The following SGCD variants were observed in gnomAD, a reference collection of about 807,000 sequenced individuals.
SGCD encodes the protein sarcoglycan delta.
Under a neutral mutation model 36.6 loss-of-function variants are expected in SGCD, and 18 were observed. The observed-to-expected ratio is 0.49, with a 90% CI of 0.34 to 0.73. The LOEUF is 0.73. Ranked by LOEUF, SGCD falls within the 30% of genes least tolerant of loss-of-function variation. The pLI, the probability that SGCD is intolerant of heterozygous loss-of-function variation, is 0.01. For missense variants in SGCD, 387 were observed against 346.7 expected (o/e 1.12, Z -0.92); for synonymous variants, 133 against 130.6 (o/e 1.02, Z -0.12).
At chr5:156,032,640 C>G (rs908191935) in intron 1 of SGCD, among the ~76,000 whole-genome samples, 2 of 134,260 alleles carry the variant, frequency 1.5e-5, no homozygotes, top group African/African-American at 5.8e-5. Flanking sequence ...ATGGCATGAA[C>G]CCGGGAGGTG....
At chr5:156,220,983 T>A (rs1270882868) in intron 3 of SGCD, among the ~76,000 whole-genome samples, 1 of 152,170 alleles carries the variant, frequency 6.6e-6, no homozygotes, top group Non-Finnish European at 1.5e-5. Flanking sequence ...AGGAGCATTT[T>A]AGTTATTCTC....
chr5:155,749,521 C>G, the SGCD span, among the ~76,000 whole-genome samples: 2 of 152,158 alleles, frequency 1.3e-5, no homozygotes, highest in African/African-American at 4.8e-5. Context: ...ATTTGAAACT[C>G]AAGAATTTCA....
At chr5:156,423,758 G>C (rs1773537022) in intron 3 of SGCD, among the ~76,000 whole-genome samples, 1 of 151,826 alleles carries the variant, frequency 6.6e-6, no homozygotes, top group Non-Finnish European at 1.5e-5. Flanking sequence ...TCCATGCTTT[G>C]TGTATGTCTT....
chr5:156,444,858 G>A (rs138198534), intron 3 of SGCD, among the ~76,000 whole-genome samples: 134 of 152,264 alleles, frequency 8.8e-4, no homozygotes, highest in African/African-American at 3.0e-3. Flanking sequence ...AATGCTCCAT[G>A]TGTTTTTACA....
At chr5:156,745,154 C>A (rs1283941218) in intron 7 of SGCD, among the ~76,000 whole-genome samples, 1 of 149,864 alleles carries the variant, frequency 6.7e-6, no homozygotes, top group Admixed American at 6.6e-5. Flanking sequence ...GAAACTGGGA[C>A]CCCCCCAGTT....
chr5:156,451,565 A>G (rs765290885), intron 3 of SGCD, among the ~76,000 whole-genome samples: 3 of 152,172 alleles, frequency 2.0e-5, no homozygotes, highest in African/African-American at 7.2e-5. Flanking sequence ...ATAGCCTTGA[A>G]ATTGCTATGG....
At chr5:156,369,181 A>AT (rs1016117290) in intron 3 of SGCD, among the ~76,000 whole-genome samples, 3 of 152,066 alleles carry the variant, frequency 2.0e-5, no homozygotes, top group East Asian at 3.8e-4. Context: ...CAAAACCATG[A>AT]TTTTTTTTCA....
At chr5:155,925,803 G>A (rs182329415) in intron 1 of SGCD, among the ~76,000 whole-genome samples, 110 of 152,210 alleles carry the variant, frequency 7.2e-4, no homozygotes, top group African/African-American at 2.5e-3. Flanking sequence ...TTTTTGTAGA[G>A]ATGAGGTTTT....
intron 1 of SGCD, among the ~76,000 whole-genome samples, chr5:156,084,284 A>G (rs956902954): frequency 1.3e-5 from 2 of 152,142 alleles, no homozygotes; most frequent in Non-Finnish European, 2.9e-5. Flanking sequence ...AGCACTTTAT[A>G]ATTTTTAGTA....
intron 1 of SGCD, among the ~76,000 whole-genome samples, chr5:155,967,517 A>G (rs776131649): frequency 6.6e-6 from 1 of 152,060 alleles, no homozygotes; most frequent in Non-Finnish European, 1.5e-5. Context: ...TAAGGTTTCC[A>G]TCATGATGGA....
At chr5:156,137,907 A>G (rs554966942) in intron 3 of SGCD, among the ~76,000 whole-genome samples, 6 of 152,292 alleles carry the variant, frequency 3.9e-5, no homozygotes, top group African/African-American at 1.4e-4. Flanking sequence ...ATTTATTTTT[A>G]TACTCAACTT....
At chr5:156,145,538 A>G (rs1762690030) in intron 3 of SGCD, among the ~76,000 whole-genome samples, 1 of 152,226 alleles carries the variant, frequency 6.6e-6, no homozygotes. Flanking sequence ...TTTTGAATCT[A>G]TTCTTTGAAA....
At chr5:155,736,653 G>C in the SGCD span, among the ~76,000 whole-genome samples, 2 of 152,018 alleles carry the variant, frequency 1.3e-5, no homozygotes, top group Non-Finnish European at 2.9e-5. Context: ...CTTTTAATGG[G>C]CATTGAGGAT....
chr5:156,194,449 C>T (rs956674425), intron 3 of SGCD, among the ~76,000 whole-genome samples: 2 of 151,968 alleles, frequency 1.3e-5, no homozygotes, highest in Non-Finnish European at 2.9e-5. Flanking sequence ...TGAAACTCTG[C>T]TACTTTTATT....
At chr5:156,192,131 G>T (rs967888722) in intron 3 of SGCD, among the ~76,000 whole-genome samples, 1 of 152,082 alleles carries the variant, frequency 6.6e-6, no homozygotes, top group African/African-American at 2.4e-5. Context: ...CATCGTGACG[G>T]TCTATATTTG....
the SGCD span, among the ~76,000 whole-genome samples, chr5:155,732,843 A>G: frequency 2.0e-5 from 3 of 152,144 alleles, no homozygotes; most frequent in African/African-American, 7.2e-5. Flanking sequence ...GACAGCTTCA[A>G]GAGGAGAACT....
intron 3 of SGCD, among the ~76,000 whole-genome samples, chr5:156,198,042 A>G (rs1198599337): frequency 6.6e-6 from 1 of 152,046 alleles, no homozygotes; most frequent in East Asian, 1.9e-4. Flanking sequence ...GCTCCTCTTC[A>G]TCTTATTCCC....
At chr5:156,589,751 GA>G (rs1384610629) in intron 5 of SGCD, among the ~76,000 whole-genome samples, 1 of 152,184 alleles carries the variant, frequency 6.6e-6, no homozygotes, top group Non-Finnish European at 1.5e-5. Context: ...ACTATAGTTT[GA>G]ACCCATGCCA....
intron 3 of SGCD, among the ~76,000 whole-genome samples, chr5:156,295,441 T>C (rs1766868775): frequency 6.6e-6 from 1 of 152,206 alleles, no homozygotes; most frequent in Admixed American, 6.5e-5. Context: ...TATGTTTCTT[T>C]TCTCTATTTC....
Sources: allele counts gnomAD v4.1 joint callset (sites outside exome capture counted in the v4.1 genomes callset), GRCh38; gene constraint gnomAD v4.1.1; transcripts MANE v1.5; gene names NCBI Gene and HGNC (gene_info 2026-07-23, HGNC 2026-07-21).